The following PLBD2 variants were observed in gnomAD, a reference collection of about 807,000 sequenced individuals.
The protein encoded by PLBD2 is putative aminopeptidase PLBD2.
Under a neutral mutation model 68.3 loss-of-function variants are expected in PLBD2, and 51 were observed. The observed-to-expected ratio is 0.75, with a 90% confidence interval of 0.60 to 0.94. The LOEUF is 0.94. Ranked by LOEUF, PLBD2 falls within the 40% of genes least tolerant of loss-of-function variation. The pLI is 0.00. For missense variants in PLBD2, 729 were observed against 792.2 expected (o/e 0.92, Z 0.96); for synonymous variants, 314 against 339.3 (o/e 0.93, Z 0.82).
rs372103897 is a variant in PLBD2 at position 113,385,205 on chromosome 12, G to T, written c.1215-7G>T. 2 of 1,614,074 alleles carry T rather than the reference G, an allele frequency of 1.2e-6. No individual in the cohort carries two copies. The highest frequency in any genetic ancestry group is 2.2e-5 in the South Asian group (2 of 91,076). ...CACCTCCACCCCATCTCTCTTCTCG[G>T]TCTCAGCGGCATGGTGGTGGTGGCT... On this transcript the variant is annotated splice_region_variant and splice_polypyrimidine_tract_variant and intron_variant, in intron 8 of 11. Coordinates refer to ENST00000280800, the MANE Select transcript of PLBD2 (RefSeq NM_173542.4).
At chr12:113,361,348 T>G (rs538182873) in intron 1 of PLBD2, among the ~76,000 whole-genome samples, 1,705 of 146,734 alleles carry the variant, frequency 0.012, 17 homozygotes, top group South Asian at 0.037. Context: ...TTTGTTTTTT[T>G]TTTTTTTTTG....
At chr12:113,386,849 T>C in intron 9 of PLBD2, 88 bp from the exon 10 acceptor site, 1 of 1,488,938 alleles carries the variant, frequency 6.7e-7, no homozygotes, top group Non-Finnish European at 9.1e-7. Flanking sequence ...AATAATGTCC[T>C]GGTGTGACTG....
Position 113,387,039 on chromosome 12 carries a change from G to A in PLBD2, c.1389G>A (p.Arg463=). The change falls in exon 10 of 12, where the codon CGG becomes CGA. Residue 463 remains arginine, a synonymous_variant. Coordinates refer to ENST00000280800, the MANE Select transcript of PLBD2 (RefSeq NM_173542.4). The part of the protein sequence containing the change: ...YDGSPRAQIF[R]RNQSLVQDMD... ...GGAGCCCCCGGGCCCAGATCTTCCG[G>A]CGGAACCAGTCACTGGTACAAGACA... The A allele has an allele frequency of 1.9e-6, 3 of 1,611,454 alleles. No individual in the cohort carries two copies. Among genetic ancestry groups the A allele is most frequent in the Non-Finnish European group, 8.5e-7 (1 of 1,178,966 alleles).
At chr12:113,383,224 A>G (rs1957513510) in intron 6 of PLBD2, among the ~76,000 whole-genome samples, 1 of 152,136 alleles carries the variant, frequency 6.6e-6, no homozygotes, top group Non-Finnish European at 1.5e-5. Flanking sequence ...TGCATCTGCC[A>G]GGCTGACAGC....
In PLBD2 at chr12:113,377,686, T is replaced by C. The variant is rs1957447498; in HGVS notation, c.859+2679T>C. 5.3e-5 allele frequency among the ~76,000 whole-genome samples: 8 copies of C among 152,294 alleles called. No individual in the cohort carries two copies. The South Asian group carries it at 1.4e-3, about 28-fold the overall frequency. Reference sequence around the variant, plus strand: ...AGTGATCCAACCGCCTGTCCTGATTTCTCACAGAATAGGTTAGGTTTGCCT... The same window carrying C: ...AGTGATCCAACCGCCTGTCCTGATTCCTCACAGAATAGGTTAGGTTTGCCT... On this transcript the variant is annotated intron_variant, in intron 5 of 11. Transcript: ENST00000280800.
At chr12:113,361,407 A>G (rs1199954906) in intron 1 of PLBD2, among the ~76,000 whole-genome samples, 7 of 136,788 alleles carry the variant, frequency 5.1e-5, no homozygotes, top group African/African-American at 2.0e-4. Context: ...TGGTATGATC[A>G]TGGCTCACTG....
rs759411791 is a variant in PLBD2 at position 113,387,090 on chromosome 12, G to A, written c.1439+1G>A. On this transcript the variant is annotated splice_donor_variant, in intron 10 of 11. Transcript: ENST00000280800. LOFTEE classifies it high-confidence loss of function. ...TGGACTCCATGGTCAGGCTGATGAGGTAGGTGCCAGTTGGGTGGTGGGTTG... is the reference window on the plus strand; with the variant it reads ...TGGACTCCATGGTCAGGCTGATGAGATAGGTGCCAGTTGGGTGGTGGGTTG... The A allele has an allele frequency of 5.7e-6, 9 of 1,578,134 alleles. No homozygotes were observed. The highest frequency in any genetic ancestry group is 7.7e-6 in the Non-Finnish European group (9 of 1,162,492).
At chr12:113,375,040 C>T in intron 5 of PLBD2, 33 bp downstream of exon 5, 3 of 1,602,106 alleles carry the variant, frequency 1.9e-6, no homozygotes, top group Non-Finnish European at 2.6e-6. Context: ...GGGGGATGAG[C>T]AGGTGGGTGG....
intron 11 of PLBD2, 48 bp from the exon 12 acceptor site, chr12:113,388,411 G>A (rs1401630353): frequency 6.8e-7 from 1 of 1,471,922 alleles, no homozygotes; most frequent in East Asian, 2.6e-5. Flanking sequence ...TGCCTGGATT[G>A]GGGCAGGCCA....
chr12:113,374,657 C>T, intron 4 of PLBD2, 83 bp downstream of exon 4: 2 of 1,451,306 alleles, frequency 1.4e-6, no homozygotes, highest in Admixed American at 1.9e-5. Flanking sequence ...CAGCATCAAC[C>T]TTGCCACTCC....
At position 113,369,112 on chromosome 12, in the gene PLBD2, C is replaced by T. The variant is rs926221874; in HGVS notation, c.291-4C>T. The T allele has an allele frequency of 6.3e-7, 1 of 1,587,212 alleles. No homozygotes were observed. Among genetic ancestry groups the T allele is most frequent in the African/African-American group, 1.3e-5 (1 of 74,478 alleles). Reference sequence around the variant, plus strand: ...TGACTGAGTGTCCCCTCCTTCCCCTCCAGGTGGGCCTTCCTGGAGCTGGGC... The same window carrying T: ...TGACTGAGTGTCCCCTCCTTCCCCTTCAGGTGGGCCTTCCTGGAGCTGGGC... On this transcript the variant is annotated splice_region_variant and splice_polypyrimidine_tract_variant and intron_variant, in intron 1 of 11. Transcript: ENST00000280800.
Position 113,389,040 on chromosome 12 carries a change from CGGGTGGCCCTG to C in PLBD2, c.*416_*426del. The C allele has an allele frequency of 6.4e-6, 1 of 157,044 alleles. No individual in the cohort carries two copies. The highest frequency in any genetic ancestry group is 2.4e-5 in the African/African-American group (1 of 41,786). The allele number at this position is 157,044 out of a possible 1,614,324, so 9.7% of individuals were successfully genotyped here. On this transcript the variant is annotated 3_prime_UTR_variant, in exon 12 of 12. Transcript: ENST00000280800. ...CACCCTTCTCCCAGCTGCATTCCCA[CGGGTGGCCCTG>C]GAGCTGGTGAGCTTTGTCTGGGCGT...
rs566734917 is a variant in PLBD2 at position 113,369,419 on chromosome 12, G to A, written c.384+210G>A. Among the ~76,000 whole-genome samples the A allele has an allele frequency of 5.3e-5, 8 of 152,300 alleles. No individual in the cohort carries two copies. The South Asian group carries it at 1.7e-3, about 32-fold the overall frequency. ...CTGGCTCTCACCCACTTCTGATATT[G>A]TCTGACTTCTTATAAAGCTCAATAA... On this transcript the variant is annotated intron_variant, in intron 2 of 11. Coordinates refer to ENST00000280800, the MANE Select transcript of PLBD2 (RefSeq NM_173542.4).
chr12:113,377,641 G>T (rs891375965), intron 5 of PLBD2, among the ~76,000 whole-genome samples: 1 of 152,130 alleles, frequency 6.6e-6, no homozygotes, highest in African/African-American at 2.4e-5. Context: ...GGCCAGGCTG[G>T]TCTTGAATAC....
At chr12:113,376,027 T>C (rs1389987268) in intron 5 of PLBD2, among the ~76,000 whole-genome samples, 1 of 151,910 alleles carries the variant, frequency 6.6e-6, no homozygotes, top group Non-Finnish European at 1.5e-5. Flanking sequence ...CTAATTTTTG[T>C]ATTTTTAGCA....
chr12:113,387,129 C>T (rs371794379), intron 10 of PLBD2, 40 bp downstream of exon 10: 97 of 1,521,052 alleles, frequency 6.4e-5, no homozygotes, highest in Non-Finnish European at 7.5e-5. Context: ...AGAGGGAGGC[C>T]GCAGGAACAC....
intron 10 of PLBD2, 97 bp from the exon 11 acceptor site, chr12:113,387,647 C>A: frequency 7.4e-7 from 1 of 1,356,040 alleles, no homozygotes; most frequent in Non-Finnish European, 1.0e-6. Context: ...AAGTTGAAGG[C>A]TGGCAGCTGT....
rs1330119113 is a variant in PLBD2, at chr12:113,372,891, G to T, written c.543+84G>T. 6.7e-7 allele frequency: 1 copy of T among 1,494,846 alleles called. No homozygotes were observed. Among genetic ancestry groups the T allele is most frequent in the African/African-American group, 1.4e-5 (1 of 72,502 alleles). 92.6% of individuals were successfully genotyped at this position (1,494,846 alleles called of 1,614,324 possible). A position where few individuals can be genotyped will look rare whatever the true frequency, so the allele number is the denominator to read the frequency against. On this transcript the variant is annotated intron_variant, in intron 3 of 11. Coordinates refer to ENST00000280800, the MANE Select transcript of PLBD2 (RefSeq NM_173542.4). The surrounding 1 kb of genome is among the most constrained non-coding windows in gnomAD (Gnocchi z 4.2). ...TCCTGTTGTTCTGGCCAGCCTTGTG[G>T]CATGTCCAGCTGCCCAGCCGCCTCT...
At chr12:113,387,619 C>G (rs1432083619) in intron 10 of PLBD2, 125 bp from the exon 11 acceptor site, 1 of 1,035,532 alleles carries the variant, frequency 9.7e-7, no homozygotes, top group Admixed American at 1.9e-5. Flanking sequence ...GGGTAGTGTG[C>G]AGTGGGAGGG....
Sources: gnomAD v4.1 joint callset for allele counts (sites outside exome capture counted in the v4.1 genomes callset) on GRCh38, gnomAD v4.1.1 for gene constraint, Gnocchi (gnomAD v3.1) non-coding constraint, MANE v1.5 for transcripts, NCBI Gene and HGNC (gene_info 2026-07-23, HGNC 2026-07-21) for gene names.